SLC24A2: variants seen among roughly 807,000 people sequenced by gnomAD.
The protein encoded by SLC24A2 is sodium/potassium/calcium exchanger 2.
Under a neutral mutation model 62.0 loss-of-function variants are expected in SLC24A2, and 36 were observed. The observed-to-expected ratio is 0.58, with a 90% CI of 0.44 to 0.77. The LOEUF is 0.77. Ranked by LOEUF, SLC24A2 falls within the 30% of genes least tolerant of loss-of-function variation. The pLI is 0.00. For missense variants in SLC24A2, 846 were observed against 817.9 expected, an observed-to-expected ratio of 1.03 and a Z score of -0.42; for synonymous variants, 358 against 294.0, an observed-to-expected ratio of 1.22 and a Z score of -2.23.
intron 2 of SLC24A2, among the ~76,000 whole-genome samples, chr9:19,714,610 T>C (rs746026255): frequency 1.3e-5 from 2 of 152,186 alleles, no homozygotes; most frequent in African/African-American, 2.4e-5. Context: ...GCATTCCTTA[T>C]GAGTCATTTG....
the SLC24A2 span, among the ~76,000 whole-genome samples, chr9:19,820,506 C>A: frequency 1.3e-5 from 2 of 149,740 alleles, no homozygotes; most frequent in Admixed American, 6.6e-5. Flanking sequence ...ACTTGTCTCC[C>A]AAAAACCTAT....
At chr9:20,046,074 C>G in the SLC24A2 span, among the ~76,000 whole-genome samples, 1 of 152,338 alleles carries the variant, frequency 6.6e-6, no homozygotes, top group East Asian at 1.9e-4. Context: ...GCTCTCCTTT[C>G]AGAAGAAGAA....
At chr9:20,087,925 G>C in the SLC24A2 span, among the ~76,000 whole-genome samples, 1 of 152,174 alleles carries the variant, frequency 6.6e-6, no homozygotes, top group African/African-American at 2.4e-5. Flanking sequence ...GTGAGTGAGT[G>C]AGCGATCCGG....
At chr9:20,206,397 T>C in the SLC24A2 span, among the ~76,000 whole-genome samples, 1 of 152,208 alleles carries the variant, frequency 6.6e-6, no homozygotes, top group Admixed American at 6.5e-5. Context: ...AATGGCACTA[T>C]TCTCATGAAT....
chr9:19,955,498 T>A, the SLC24A2 span, among the ~76,000 whole-genome samples: 1 of 151,928 alleles, frequency 6.6e-6, no homozygotes, highest in African/African-American at 2.4e-5. Context: ...AATTTTAGAC[T>A]CTAAGATCTC....
the SLC24A2 span, among the ~76,000 whole-genome samples, chr9:19,919,355 C>A: frequency 1.3e-5 from 2 of 152,032 alleles, no homozygotes; most frequent in Non-Finnish European, 2.9e-5. Flanking sequence ...GGCAATGTAC[C>A]AGTTAAGCTC....
chr9:20,212,281 T>C, the SLC24A2 span, among the ~76,000 whole-genome samples: 1 of 151,772 alleles, frequency 6.6e-6, no homozygotes, highest in East Asian at 1.9e-4. Flanking sequence ...AGAAATTTTA[T>C]ATACCAAAAA....
In SLC24A2 at chr9:19,785,622, A is replaced by C. The variant is rs554195916; in HGVS notation, c.930+315T>G. 8.5e-5 allele frequency among the ~76,000 whole-genome samples: 13 copies of C among 152,372 alleles called. 1 individual carries two copies. Among genetic ancestry groups the C allele is most frequent in the South Asian group, 8.3e-4 (4 of 4,828 alleles). Reference sequence around the variant, plus strand: ...CCTATGAAAATTAAATTGTTCACAAAATCATTATGCCCACTTTCAGAAAAT... The same window carrying C: ...CCTATGAAAATTAAATTGTTCACAACATCATTATGCCCACTTTCAGAAAAT... On this transcript the variant is annotated intron_variant, in intron 2 of 10. Coordinates refer to ENST00000341998, the MANE Select transcript of SLC24A2 (RefSeq NM_020344.4).
chr9:20,057,407 G>C, the SLC24A2 span, among the ~76,000 whole-genome samples: 1 of 152,308 alleles, frequency 6.6e-6, no homozygotes, highest in East Asian at 1.9e-4. Flanking sequence ...TTCTCCTGTA[G>C]TAGGGGTAGA....
At chr9:19,665,245 T>C (rs1819216544) in intron 2 of SLC24A2, among the ~76,000 whole-genome samples, 1 of 152,132 alleles carries the variant, frequency 6.6e-6, no homozygotes, top group Non-Finnish European at 1.5e-5. Context: ...GTGTTGTTAT[T>C]GTCCAAGGAA....
At chr9:20,203,397 G>A in the SLC24A2 span, among the ~76,000 whole-genome samples, 3 of 152,036 alleles carry the variant, frequency 2.0e-5, no homozygotes, top group Admixed American at 6.6e-5. Flanking sequence ...TCAGCTCCAC[G>A]GTATACCAAA....
chr9:20,059,449 A>G, the SLC24A2 span, among the ~76,000 whole-genome samples: 1 of 152,240 alleles, frequency 6.6e-6, no homozygotes, highest in East Asian at 1.9e-4. Flanking sequence ...CTTACAAAAT[A>G]TCTTTTCCAA....
At chr9:19,744,144 A>G (rs1188830442) in intron 2 of SLC24A2, among the ~76,000 whole-genome samples, 1 of 152,104 alleles carries the variant, frequency 6.6e-6, no homozygotes, top group Non-Finnish European at 1.5e-5. Flanking sequence ...TATTTTCCCT[A>G]GGACCTATGC....
chr9:19,703,100 A>G (rs955184130), intron 2 of SLC24A2, among the ~76,000 whole-genome samples: 2 of 152,144 alleles, frequency 1.3e-5, no homozygotes, highest in African/African-American at 4.8e-5. Context: ...TGTACTAGAG[A>G]GAAAGAGAGA....
the SLC24A2 span, among the ~76,000 whole-genome samples, chr9:19,815,959 C>CT: frequency 0.051 from 5,290 of 103,432 alleles, 192 homozygotes; most frequent in African/African-American, 0.088. Context: ...TTTTTTGCCC[C>CT]TTTTTTTTTT....
chr9:19,616,646 G>A (rs1817774666), intron 4 of SLC24A2, among the ~76,000 whole-genome samples: 1 of 152,142 alleles, frequency 6.6e-6, no homozygotes, highest in Non-Finnish European at 1.5e-5. Flanking sequence ...TCGCTAGTAT[G>A]TACCAGGTAT....
chr9:20,044,781 G>A, the SLC24A2 span, among the ~76,000 whole-genome samples: 2 of 152,098 alleles, frequency 1.3e-5, no homozygotes, highest in Non-Finnish European at 2.9e-5. Flanking sequence ...AGGCCCTAAT[G>A]CTACCATGCA....
chr9:20,098,436 T>C, the SLC24A2 span, among the ~76,000 whole-genome samples: 176 of 152,358 alleles, frequency 1.2e-3, no homozygotes, highest in African/African-American at 4.0e-3. Context: ...GAAATACTTC[T>C]ATGGCATTAT....
chr9:20,027,325 C>G, the SLC24A2 span, among the ~76,000 whole-genome samples: 52,142 of 151,926 alleles, frequency 0.34, 9,047 homozygotes, highest in Middle Eastern at 0.45. Context: ...AATGCAATCA[C>G]TACGTCAAAA....
Sources: allele counts gnomAD v4.1 joint callset (sites outside exome capture counted in the v4.1 genomes callset), GRCh38; gene constraint gnomAD v4.1.1; transcripts MANE v1.5; gene names NCBI Gene and HGNC (gene_info 2026-07-23, HGNC 2026-07-21).